BLMH: variants seen among roughly 807,000 people sequenced by gnomAD.
The protein encoded by BLMH is bleomycin hydrolase, also known as BLM hydrolase.
BLMH carries 32 observed loss-of-function variants against 61.6 expected under a neutral mutation model. That is an observed-to-expected ratio of 0.52 (90% CI 0.39 to 0.70). The LOEUF (loss-of-function observed/expected upper bound fraction) is 0.70, where lower values mean the gene tolerates loss of function less well. Among genes scored for constraint, BLMH ranks in the 30% least tolerant of loss-of-function variants. The probability of loss-of-function intolerance (pLI) is 0.00; values close to 1 mark genes in which losing one functional copy is unlikely to be tolerated. For synonymous variants in BLMH, 183 were observed against 193.8 expected (o/e 0.94, Z 0.46); for missense variants, 460 against 555.5 (o/e 0.83, Z 1.73).
At chr17:30,277,748 A>C (rs2143024428) in intron 6 of BLMH, among the ~76,000 whole-genome samples, 1 of 152,380 alleles carries the variant, frequency 6.6e-6, no homozygotes, top group African/African-American at 2.4e-5. Flanking sequence ...TCCCTGTTTA[A>C]AGTAAAAAGT....
intron 6 of BLMH, among the ~76,000 whole-genome samples, chr17:30,283,051 C>G (rs573222070): frequency 6.6e-6 from 1 of 152,146 alleles, no homozygotes; most frequent in South Asian, 2.1e-4. Context: ...ACCTGTAGTC[C>G]CAGCTACTTG....
chr17:30,259,740 G>A (rs1175510164), intron 11 of BLMH, among the ~76,000 whole-genome samples: 1 of 152,102 alleles, frequency 6.6e-6, no homozygotes, highest in Admixed American at 6.6e-5. Context: ...CATGGCCTAT[G>A]CACGGTTCCT....
chr17:30,291,703 C>T, intron 1 of BLMH, 104 bp downstream of exon 1: 1 of 1,402,654 alleles, frequency 7.1e-7, no homozygotes, highest in South Asian at 1.5e-5. Flanking sequence ...GCTCCCTCCC[C>T]GCCATCGCCA....
chr17:30,268,799 G>A (rs1908182601), intron 10 of BLMH, among the ~76,000 whole-genome samples: 1 of 151,362 alleles, frequency 6.6e-6, no homozygotes, highest in African/African-American at 2.4e-5. Context: ...CACTTTGGGA[G>A]GCCGAAGCAG....
chr17:30,291,526 A>G lies in BLMH; in HGVS notation c.14-18T>C. ...ATTCAGTCCTGTTGGGAGACCAAAC[A>G]GGATTTTAACGCAAAAAGAGGGGGA... On this transcript the variant is annotated intron_variant, in intron 1 of 11. Transcript: ENST00000261714. The G allele has an allele frequency of 6.2e-7, 1 of 1,611,650 alleles. No homozygotes were observed. Among genetic ancestry groups the G allele is most frequent in the Non-Finnish European group, 8.5e-7 (1 of 1,177,918 alleles).
In BLMH at chr17:30,285,638, A is replaced by T. The variant is rs1908706627; in HGVS notation, c.553-158T>A. 8.1e-6 allele frequency: 4 copies of T among 496,086 alleles called. No individual in the cohort carries two copies. In the South Asian group the frequency reaches 1.4e-4, roughly 18 times the overall value. 30.7% of individuals were successfully genotyped at this position (496,086 alleles called of 1,614,324 possible). A position where few individuals can be genotyped will look rare whatever the true frequency, so the allele number is the denominator to read the frequency against. On this transcript the variant is annotated intron_variant, in intron 5 of 11. Coordinates refer to ENST00000261714, the MANE Select transcript of BLMH (RefSeq NM_000386.4). Reference sequence around the variant, plus strand: ...GTGTTTTTCTTCAACTTGTCCACTTAAACACATAGCTAAAAATGCTTTCCA... The same window carrying T: ...GTGTTTTTCTTCAACTTGTCCACTTTAACACATAGCTAAAAATGCTTTCCA...
rs184638061 is a variant in BLMH, at chr17:30,256,173, C to T, written c.1217-7005G>A. Among the ~76,000 whole-genome samples, 55 of 152,276 alleles carry T rather than the reference C, an allele frequency of 3.6e-4. No homozygotes were observed. In the East Asian group the frequency reaches 0.01, roughly 28 times the overall value. On this transcript the variant is annotated intron_variant, in intron 11 of 11. Transcript: ENST00000261714. ...AACCTCTGGGGTTACAGGGGTAAGC[C>T]ACTACACCTAGCCCTCTGCGCATTT...
At chr17:30,255,640 T>C (rs1417130740) in intron 11 of BLMH, among the ~76,000 whole-genome samples, 1 of 152,214 alleles carries the variant, frequency 6.6e-6, no homozygotes, top group Non-Finnish European at 1.5e-5. Flanking sequence ...GGCTCATGCC[T>C]GTAATCCCAG....
Position 30,271,383 on chromosome 17 carries a change from T to C in BLMH, c.1034A>G (p.Asp345Gly), listed in dbSNP as rs1164331266. 1 of 1,611,854 alleles carries C rather than the reference T, an allele frequency of 6.2e-7. No individual in the cohort carries two copies. The highest frequency in any genetic ancestry group is 8.5e-7 in the Non-Finnish European group (1 of 1,178,052). Reference protein sequence around the residue: ...KLGLSDMNLYDHELVFGVSLK... With the variant: ...KLGLSDMNLYGHELVFGVSLK... ...GGAGACACCAAACACTAACTCATGG[T>C]CATAGCTGTAAAAAGAATGATAGTA... Residue 345 changes from aspartate (D) to glycine (G), a missense_variant, in exon 10 of 12, where the codon GAC (aspartate) becomes GGC (glycine). Transcript: ENST00000261714.
intron 6 of BLMH, among the ~76,000 whole-genome samples, chr17:30,279,427 A>G (rs755102951): frequency 9.2e-5 from 14 of 152,200 alleles, no homozygotes; most frequent in Non-Finnish European, 1.8e-4. Flanking sequence ...TTATATCTTT[A>G]GCTAATTAAA....
rs34594289 is a variant in BLMH at position 30,252,533 on chromosome 17, C to CAAAAAA, written c.1217-3371_1217-3366dup. On this transcript the variant is annotated intron_variant, in intron 11 of 11. Coordinates refer to ENST00000261714, the MANE Select transcript of BLMH (RefSeq NM_000386.4). The stretch of plus-strand genomic sequence containing the variant: ...GCAACATGGCGAAACCCCATCCTCA[C>CAAAAAA]AAAAAAAAAAAAAAAAAAAAAAAAA... Among the ~76,000 whole-genome samples the CAAAAAA allele has an allele frequency of 7.5e-5, 5 of 66,384 alleles. 1 individual carries two copies. The highest frequency in any genetic ancestry group is 2.0e-4 in the African/African-American group (4 of 19,630). The allele number at this position is 66,384 out of a possible 152,430, so 43.6% of individuals were successfully genotyped here.
chr17:30,285,341 G>A (rs767490479), intron 6 of BLMH, 47 bp downstream of exon 6: 37 of 1,316,074 alleles, frequency 2.8e-5, no homozygotes, highest in Non-Finnish European at 3.8e-5. Context: ...GGAATATTCT[G>A]AGAGTTCCTT....
At chr17:30,275,101 C>G (rs1057450130) in intron 6 of BLMH, among the ~76,000 whole-genome samples, 6 of 150,598 alleles carry the variant, frequency 4.0e-5, no homozygotes, top group Non-Finnish European at 8.8e-5. Flanking sequence ...CCTGTGGTCA[C>G]AGCTACTCAG....
chr17:30,272,718 CA>C, intron 8 of BLMH, 22 bp downstream of exon 8: 1 of 1,614,048 alleles, frequency 6.2e-7, no homozygotes, highest in Non-Finnish European at 8.5e-7. Context: ...CCCCAATGTG[CA>C]AAATACAGAA....
intron 11 of BLMH, among the ~76,000 whole-genome samples, chr17:30,258,088 C>G (rs1907862452): frequency 6.6e-6 from 1 of 152,036 alleles, no homozygotes; most frequent in African/African-American, 2.4e-5. Context: ...CTGCCTCAGC[C>G]CCCTGGGTAG....
chr17:30,271,216 G>C (rs1448373345), intron 10 of BLMH, 55 bp downstream of exon 10: 1 of 1,260,254 alleles, frequency 7.9e-7, no homozygotes, highest in East Asian at 2.3e-5. Flanking sequence ...ACAGTCTACA[G>C]GAGAATGTAG....
At position 30,274,190 on chromosome 17, in the gene BLMH, C is replaced by T. The variant is rs749502447; in HGVS notation, c.653G>A (p.Arg218Gln). 1.2e-5 allele frequency: 19 copies of T among 1,613,576 alleles called. No homozygotes were observed. The highest frequency in any genetic ancestry group is 5.0e-5 in the Admixed American group (3 of 59,916). ...ATTACCCAAACAGATGCACACCACT[C>T]GGAATATCTGGAAGAGAGGAGGAGG... ...TQDVMMEEIF[R>Q]VVCICLGNPP... Residue 218 changes from arginine (R) to glutamine (Q), a missense_variant, in exon 7 of 12, where the codon CGA becomes CAA. This residue lies in a region of BLMH where 310 missense variants were observed against 371.1 expected (regional missense o/e 0.84). Transcript: ENST00000261714.
Position 30,289,478 on chromosome 17 carries a change from T to A in BLMH, c.216A>T (p.Arg72=). The part of the protein sequence containing the change: ...KPITNQKSSG[R]CWIFSCLNVM... ...CATTCAGACAAGAAAAGATCCAGCA[T>A]CGCCCTGAAACAAGAAAGCACATCA... Residue 72 remains arginine (R), a synonymous_variant, in exon 3 of 12, where the codon CGA becomes CGT. Transcript: ENST00000261714. The A allele has an allele frequency of 1.9e-6, 3 of 1,608,370 alleles. No individual in the cohort carries two copies. The highest frequency in any genetic ancestry group is 2.5e-6 in the Non-Finnish European group (3 of 1,176,748).
At chr17:30,277,321 C>T (rs995955209) in intron 6 of BLMH, among the ~76,000 whole-genome samples, 19 of 152,196 alleles carry the variant, frequency 1.2e-4, no homozygotes, top group African/African-American at 4.6e-4. Context: ...TTGGGATTCA[C>T]ATTCATTTTG....
Sources: gnomAD v4.1 joint callset for allele counts (sites outside exome capture counted in the v4.1 genomes callset) on GRCh38, gnomAD v4.1.1 for gene constraint, gnomAD v4.1.1 regional missense constraint, MANE v1.5 for transcripts, NCBI Gene and HGNC (gene_info 2026-07-23, HGNC 2026-07-21) for gene names.